Variants in DNMT3A observed in about 807,000 individuals in gnomAD.
DNMT3A encodes the protein DNA (cytosine-5)-methyltransferase 3A.
In DNMT3A, 267 loss-of-function variants were observed where a neutral mutation model predicts 117.6. The ratio of observed to expected loss-of-function variants is 2.27; its 90% CI spans 2.05 to 2.51. The LOEUF is 2.51. Among genes scored for constraint, DNMT3A ranks in the 30% most tolerant of loss-of-function variants. The probability of loss-of-function intolerance (pLI) is 0.00; values close to 1 mark genes in which losing one functional copy is unlikely to be tolerated. For synonymous variants in DNMT3A, 432 were observed against 474.8 expected (o/e 0.91, Z 1.17); for missense variants, 1,029 against 1,260.2 (o/e 0.82, Z 2.78).
chr2:25,248,857 GTTTT>G (rs944810532), intron 6 of DNMT3A, among the ~76,000 whole-genome samples: 1 of 148,942 alleles, frequency 6.7e-6, no homozygotes, highest in Non-Finnish European at 1.5e-5. Context: ...CTACGTTAAT[GTTTT>G]TTTTTTAATT....
At chr2:25,312,002 CAGG>C (rs1430544542) in intron 2 of DNMT3A, among the ~76,000 whole-genome samples, 1 of 152,162 alleles carries the variant, frequency 6.6e-6, no homozygotes, top group Non-Finnish European at 1.5e-5. Flanking sequence ...AGTCCAGTAA[CAGG>C]AGGAGTTTGT....
chr2:25,338,255 T>C (rs1278571196), intron 1 of DNMT3A, among the ~76,000 whole-genome samples: 4 of 152,220 alleles, frequency 2.6e-5, no homozygotes, highest in Admixed American at 2.6e-4. Flanking sequence ...TACCCAGCAC[T>C]AAGAGCTCTC....
intron 6 of DNMT3A, among the ~76,000 whole-genome samples, chr2:25,265,561 G>A (rs188617503): frequency 4.5e-4 from 68 of 152,316 alleles, no homozygotes; most frequent in African/African-American, 1.6e-3. Flanking sequence ...GCTCATGCCT[G>A]TAATCCCAGC....
intron 13 of DNMT3A, 143 bp downstream of exon 13, chr2:25,245,110 C>T: frequency 1.4e-6 from 1 of 726,320 alleles, no homozygotes; most frequent in East Asian, 2.6e-5. Flanking sequence ...CATCAGGACT[C>T]TGCTTCCAGA....
intron 4 of DNMT3A, among the ~76,000 whole-genome samples, chr2:25,280,823 G>A (rs888975173): frequency 6.6e-6 from 1 of 152,188 alleles, no homozygotes; most frequent in Non-Finnish European, 1.5e-5. Context: ...AGCTAGAAAT[G>A]GAAGTAGGGA....
intron 1 of DNMT3A, chr2:25,314,712 T>C: frequency 1.0e-6 from 1 of 985,378 alleles, no homozygotes; most frequent in Non-Finnish European, 1.2e-6. Context: ...GCTGCAGGCC[T>C]GGTTGGCTCT....
In DNMT3A at chr2:25,240,400, G is replaced by A. The variant is rs2149272003; in HGVS notation, c.2224C>T (p.Arg742Trp). ...FEFYRLLHDA[R>W]PKEGDDRPFF... ...GGGCGATCATCTCCCTCCTTGGGCC[G>A]CGCATCATGCAGGAGGCGGTAGAAC... is the stretch of plus-strand genomic sequence containing the variant. The change falls in exon 19 of 23, where the codon CGG becomes TGG. Residue 742 changes from arginine to tryptophan, a missense_variant. Arg to Trp is a moderately radical substitution (Grantham distance 101, BLOSUM62 -3). Transcript: ENST00000321117. The A allele has an allele frequency of 1.2e-6, 2 of 1,613,782 alleles. No homozygotes were observed. Among genetic ancestry groups the A allele is most frequent in the South Asian group, 1.1e-5 (1 of 91,034 alleles).
Position 25,309,220 on chromosome 2 carries a change from C to T in DNMT3A, c.72+4693G>A, listed in dbSNP as rs372426245. 2.6e-4 allele frequency among the ~76,000 whole-genome samples: 39 copies of T among 152,272 alleles called. No individual in the cohort carries two copies. In the South Asian group the frequency reaches 5.6e-3, roughly 22 times the overall value. On this transcript the variant is annotated intron_variant, in intron 2 of 22. Transcript: ENST00000321117. ...TCACTCAGTTCATCCAACAGCCTTG[C>T]GGAGCCCTGCTACATGCTAACTACC...
rs1475970693 is a variant in DNMT3A at position 25,236,912 on chromosome 2, G to A, written c.2478+24C>T. On this transcript the variant is annotated intron_variant, in intron 21 of 22. Coordinates refer to ENST00000321117, the MANE Select transcript of DNMT3A (RefSeq NM_022552.5). This position sits in a 1 kb window ranked among gnomAD's most constrained non-coding sequence, Gnocchi z 4.5. ...CCTTCCTTCTCCCTGCCCCCCAGCA[G>A]AGGTTCTAGACGCTGGAGCTGACCT... is the stretch of plus-strand genomic sequence containing the variant. 6.2e-7 allele frequency: 1 copy of A among 1,606,166 alleles called. No individual in the cohort carries two copies. Among genetic ancestry groups the A allele is most frequent in the Admixed American group, 1.7e-5 (1 of 58,676 alleles).
At chr2:25,251,711 G>A (rs570594442) in intron 6 of DNMT3A, among the ~76,000 whole-genome samples, 40 of 152,332 alleles carry the variant, frequency 2.6e-4, no homozygotes, top group African/African-American at 9.1e-4. Context: ...GGCCTGCCTG[G>A]AGGCTTCCAG....
intron 14 of DNMT3A, 23 bp from the exon 15 acceptor site, chr2:25,244,361 G>A (rs1674470833): frequency 6.3e-7 from 1 of 1,588,350 alleles, no homozygotes. Context: ...CCAGTGAGCA[G>A]AGGAGACTCT....
At chr2:25,271,654 C>G (rs1223588465) in intron 6 of DNMT3A, among the ~76,000 whole-genome samples, 2 of 152,196 alleles carry the variant, frequency 1.3e-5, no homozygotes, top group Non-Finnish European at 2.9e-5. Context: ...AAAATGAGAT[C>G]AGTAGTTCTA....
At chr2:25,280,247 A>C (rs1190179020) in intron 4 of DNMT3A, among the ~76,000 whole-genome samples, 1 of 151,758 alleles carries the variant, frequency 6.6e-6, no homozygotes, top group African/African-American at 2.4e-5. Context: ...AGATGACATG[A>C]GCTTTTCAAA....
At position 25,298,413 on chromosome 2, in the gene DNMT3A, C is replaced by T. The variant is rs2033223909; in HGVS notation, c.177+1726G>A. On this transcript the variant is annotated intron_variant, in intron 3 of 22. Coordinates refer to ENST00000321117, the MANE Select transcript of DNMT3A (RefSeq NM_022552.5). This position sits in a 1 kb window ranked among gnomAD's most constrained non-coding sequence, Gnocchi z 4.3. ...TCCACCTCTCAGCGATGTGGCTACC[C>T]TCTGATTCCAGAGACTCACAAAGAT... is the stretch of plus-strand genomic sequence containing the variant. Among the ~76,000 whole-genome samples the T allele has an allele frequency of 6.6e-6, 1 of 152,230 alleles. No homozygotes were observed. The highest frequency in any genetic ancestry group is 2.4e-5 in the African/African-American group (1 of 41,454).
At chr2:25,258,303 C>T (rs538537219) in intron 6 of DNMT3A, among the ~76,000 whole-genome samples, 2 of 152,224 alleles carry the variant, frequency 1.3e-5, no homozygotes, top group Non-Finnish European at 2.9e-5. Context: ...GAACCTCCTC[C>T]CTGAGTCTGG....
intron 1 of DNMT3A, among the ~76,000 whole-genome samples, chr2:25,315,857 T>C (rs2149431830): frequency 6.6e-6 from 1 of 152,328 alleles, no homozygotes; most frequent in South Asian, 2.1e-4. Context: ...CCCCATTTGT[T>C]ACCACAGACA....
Position 25,247,507 on chromosome 2 carries a change from C to A in DNMT3A, c.1014+84G>T. ...AGAACCCACTTCCATCACCCCAATTCCAGACTGCCCCCAGCCAAAACCACA... is the reference window on the plus strand; with the variant it reads ...AGAACCCACTTCCATCACCCCAATTACAGACTGCCCCCAGCCAAAACCACA... On this transcript the variant is annotated intron_variant, in intron 8 of 22. Coordinates refer to ENST00000321117, the MANE Select transcript of DNMT3A (RefSeq NM_022552.5). The surrounding 1 kb of genome is among the most constrained non-coding windows in gnomAD (Gnocchi z 5.6). 1 of 1,561,326 alleles carries A rather than the reference C, an allele frequency of 6.4e-7. No individual in the cohort carries two copies. The highest frequency in any genetic ancestry group is 1.2e-5 in the South Asian group (1 of 82,934).
Position 25,234,155 on chromosome 2 carries a change from C to G in DNMT3A, c.*124G>C. ...GCCTCTGTGGTTTTTGTTTTAAATT[C>G]CTTTTTCTCTTCTGGGTGCTGATAC... On this transcript the variant is annotated 3_prime_UTR_variant, in exon 23 of 23. Transcript: ENST00000321117. This position sits in a 1 kb window ranked among gnomAD's most constrained non-coding sequence, Gnocchi z 4.5. 1 of 1,414,568 alleles carries G rather than the reference C, an allele frequency of 7.1e-7. No individual in the cohort carries two copies. The highest frequency in any genetic ancestry group is 1.4e-5 in the African/African-American group (1 of 69,302). 87.6% of individuals were successfully genotyped at this position (1,414,568 alleles called of 1,614,324 possible). A position where few individuals can be genotyped will look rare whatever the true frequency, so the allele number is the denominator to read the frequency against.
intron 12 of DNMT3A, 124 bp downstream of exon 12, chr2:25,245,896 T>C: frequency 3.3e-6 from 4 of 1,220,270 alleles, no homozygotes; most frequent in Admixed American, 3.4e-5. Context: ...CGAAGCACGG[T>C]GAAGGTGGTG....
Sources: allele counts gnomAD v4.1 joint callset (sites outside exome capture counted in the v4.1 genomes callset), GRCh38; gene constraint gnomAD v4.1.1; non-coding constraint Gnocchi (gnomAD v3.1); transcripts MANE v1.5; gene names NCBI Gene and HGNC (gene_info 2026-07-23, HGNC 2026-07-21).